Variants in ZBTB16 observed in about 807,000 individuals in gnomAD.
ZBTB16 encodes the protein zinc finger and BTB domain-containing protein 16.
ZBTB16 carries 8 observed loss-of-function variants against 56.8 expected under a neutral mutation model. That is an observed-to-expected ratio of 0.14 (90% CI 0.08 to 0.25). The LOEUF (loss-of-function observed/expected upper bound fraction) is 0.25, where lower values mean the gene tolerates loss of function less well. Ranked by LOEUF, ZBTB16 falls within the 10% of genes least tolerant of loss-of-function variation. The pLI is 1.00. For missense variants in ZBTB16, 625 were observed against 903.0 expected (o/e 0.69, Z 3.95); for synonymous variants, 363 against 368.5 (o/e 0.98, Z 0.17).
intron 2 of ZBTB16, among the ~76,000 whole-genome samples, chr11:114,135,366 T>C (rs1469859658): frequency 1.3e-5 from 2 of 152,224 alleles, no homozygotes; most frequent in Non-Finnish European, 2.9e-5. Context: ...TTAGATTACA[T>C]GGCAAAGGAA....
intron 5 of ZBTB16, 30 bp from the exon 6 acceptor site, chr11:114,247,168 A>G: frequency 4.3e-6 from 7 of 1,614,184 alleles, no homozygotes; most frequent in Non-Finnish European, 5.9e-6. Flanking sequence ...GGGAGAGGCA[A>G]AGGCCTGATC....
chr11:114,177,826 GTA>G (rs1943153619), intron 3 of ZBTB16, among the ~76,000 whole-genome samples: 2 of 152,136 alleles, frequency 1.3e-5, no homozygotes, highest in East Asian at 3.8e-4. Context: ...TGGAGACAGA[GTA>G]TCACTCCGTC....
At chr11:114,178,103 A>G (rs1302005662) in intron 3 of ZBTB16, among the ~76,000 whole-genome samples, 2 of 152,166 alleles carry the variant, frequency 1.3e-5, no homozygotes, top group African/African-American at 4.8e-5. Flanking sequence ...CCTCCTGGGG[A>G]AGAATGATCT....
intron 4 of ZBTB16, among the ~76,000 whole-genome samples, chr11:114,223,845 A>G (rs1054122695): frequency 3.3e-5 from 5 of 152,262 alleles, no homozygotes; most frequent in Admixed American, 2.6e-4. Context: ...AGTTAAGACA[A>G]TGAAGGAATG....
At chr11:114,100,032 T>C (rs773036604) in intron 2 of ZBTB16, among the ~76,000 whole-genome samples, 2 of 152,280 alleles carry the variant, frequency 1.3e-5, no homozygotes, top group South Asian at 2.1e-4. Context: ...GAGCTCCCTT[T>C]TAGAGCACCC....
intron 2 of ZBTB16, chr11:114,121,944 C>T: frequency 2.4e-6 from 1 of 409,796 alleles, no homozygotes; most frequent in Non-Finnish European, 4.9e-6. Flanking sequence ...ACTGGCTGTC[C>T]TCTAAGACAC....
chr11:114,116,385 T>C (rs1941176285), intron 2 of ZBTB16, among the ~76,000 whole-genome samples: 1 of 152,226 alleles, frequency 6.6e-6, no homozygotes, highest in African/African-American at 2.4e-5. Flanking sequence ...GATTACTTTC[T>C]AAAATTTAGG....
rs111479382 is a variant in ZBTB16, at chr11:114,235,796, T to A, written c.1454-6371T>A. Among the ~76,000 whole-genome samples, 55 of 133,314 alleles carry A rather than the reference T, an allele frequency of 4.1e-4. 2 individuals carry two copies. Among genetic ancestry groups the A allele is most frequent in the African/African-American group, 2.0e-3 (51 of 26,036 alleles). The allele number at this position is 133,314 out of a possible 152,430, so 87.5% of individuals were successfully genotyped here. ...TCCTTCCTTCCTTCCTTCTCCTTTT[T>A]TTTTTTTTTGCTAAAATTAAGCTTG... is the stretch of plus-strand genomic sequence containing the variant. On this transcript the variant is annotated intron_variant, in intron 4 of 6. Coordinates refer to ENST00000335953, the MANE Select transcript of ZBTB16 (RefSeq NM_006006.6).
chr11:114,063,133 T>G lies in ZBTB16; in HGVS notation c.-90-78T>G, dbSNP rs1938949498. The G allele has an allele frequency of 1.4e-6, 1 of 738,532 alleles. No individual in the cohort carries two copies. The highest frequency in any genetic ancestry group is 2.2e-6 in the Non-Finnish European group (1 of 445,794). 45.7% of individuals were successfully genotyped at this position (738,532 alleles called of 1,614,324 possible). A position where few individuals can be genotyped will look rare whatever the true frequency, so the allele number is the denominator to read the frequency against. ...AGGGGGCATGTTGTAGTGGTTGAATTCTTACTTTTAGGGACACTGATGAAT... is the reference window on the plus strand; with the variant it reads ...AGGGGGCATGTTGTAGTGGTTGAATGCTTACTTTTAGGGACACTGATGAAT... On this transcript the variant is annotated intron_variant, in intron 1 of 6. Transcript: ENST00000335953. The surrounding 1 kb of genome is among the most constrained non-coding windows in gnomAD (Gnocchi z 6.5).
chr11:114,189,530 C>G (rs1943442166), intron 4 of ZBTB16: 3 of 152,200 alleles, frequency 2.0e-5, no homozygotes, highest in Admixed American at 2.0e-4. Flanking sequence ...AAGAGGTTAG[C>G]TGAGGCAGGC....
In ZBTB16 at chr11:114,125,061, C is replaced by T. The variant is rs181937537; in HGVS notation, c.1269-31276C>T. Among the ~76,000 whole-genome samples the T allele has an allele frequency of 5.8e-3, 877 of 152,118 alleles. 11 individuals carry two copies. Among genetic ancestry groups the T allele is most frequent in the Non-Finnish European group, 0.01 (695 of 67,978 alleles). Reference sequence around the variant, plus strand: ...CAGCCACAGATCCCAGATCCTTTACCTTCCTCATCTGCCTGTTTTCCTTTA... The same window carrying T: ...CAGCCACAGATCCCAGATCCTTTACTTTCCTCATCTGCCTGTTTTCCTTTA... On this transcript the variant is annotated intron_variant, in intron 2 of 6. Coordinates refer to ENST00000335953, the MANE Select transcript of ZBTB16 (RefSeq NM_006006.6).
chr11:114,175,485 C>G (rs1162113732), intron 3 of ZBTB16, among the ~76,000 whole-genome samples: 1 of 151,394 alleles, frequency 6.6e-6, no homozygotes, highest in Non-Finnish European at 1.5e-5. Context: ...GAGACAGAGT[C>G]TCTTTCTGTT....
rs186836237 is a variant in ZBTB16 at position 114,103,957 on chromosome 11, T to C, written c.1268+39389T>C. Reference sequence around the variant, plus strand: ...CTTTTTCACGTGTGGGCTGAATGAATGTGTGGGTTATCCACATCAGTTTCT... The same window carrying C: ...CTTTTTCACGTGTGGGCTGAATGAACGTGTGGGTTATCCACATCAGTTTCT... On this transcript the variant is annotated intron_variant, in intron 2 of 6. Coordinates refer to ENST00000335953, the MANE Select transcript of ZBTB16 (RefSeq NM_006006.6). 2.2e-4 allele frequency among the ~76,000 whole-genome samples: 33 copies of C among 152,310 alleles called. No homozygotes were observed. In the East Asian group the frequency reaches 5.8e-3, roughly 27 times the overall value.
intron 3 of ZBTB16, among the ~76,000 whole-genome samples, chr11:114,179,994 T>C (rs1943208140): frequency 6.6e-6 from 1 of 152,228 alleles, no homozygotes; most frequent in Non-Finnish European, 1.5e-5. Context: ...AGTGCCCTGC[T>C]GGCTGTTCCC....
intron 4 of ZBTB16, among the ~76,000 whole-genome samples, chr11:114,228,196 A>G (rs1189269007): frequency 6.6e-6 from 1 of 152,196 alleles, no homozygotes; most frequent in Non-Finnish European, 1.5e-5. Flanking sequence ...TTTTTTAAAA[A>G]CCATTTGTAA....
At chr11:114,093,046 C>A (rs1940248544) in intron 2 of ZBTB16, among the ~76,000 whole-genome samples, 1 of 152,210 alleles carries the variant, frequency 6.6e-6, no homozygotes, top group Non-Finnish European at 1.5e-5. Flanking sequence ...TAAAAAACCA[C>A]CAGTGCCTGT....
intron 3 of ZBTB16, among the ~76,000 whole-genome samples, chr11:114,163,651 C>T (rs1246320452): frequency 6.6e-6 from 1 of 152,092 alleles, no homozygotes; most frequent in African/African-American, 2.4e-5. Flanking sequence ...CACCAGTTCT[C>T]TCCCACCCCT....
At chr11:114,105,816 T>G (rs2137765705) in intron 2 of ZBTB16, among the ~76,000 whole-genome samples, 1 of 152,290 alleles carries the variant, frequency 6.6e-6, no homozygotes, top group East Asian at 1.9e-4. Context: ...AAAGAGACAT[T>G]TGGACAGTAG....
rs1944954709 is a variant in ZBTB16 at position 114,253,728 on chromosome 11, A to C, written c.*3173A>C. Among the ~76,000 whole-genome samples the C allele has an allele frequency of 6.6e-6, 1 of 152,200 alleles. No homozygotes were observed. The highest frequency in any genetic ancestry group is 1.5e-5 in the Non-Finnish European group (1 of 68,028). On this transcript the variant is annotated 3_prime_UTR_variant, in exon 7 of 7. Transcript: ENST00000335953. ...ATAGAGTCTAACATGCCTCTTCTCC[A>C]ACTTCCTACCTACAACAACAGAACA...
Sources: allele counts gnomAD v4.1 joint callset (sites outside exome capture counted in the v4.1 genomes callset), GRCh38; gene constraint gnomAD v4.1.1; non-coding constraint Gnocchi (gnomAD v3.1); transcripts MANE v1.5; gene names NCBI Gene and HGNC (gene_info 2026-07-23, HGNC 2026-07-21).